The following HEPHL1 variants were observed in gnomAD, a reference collection of about 807,000 sequenced individuals.
The protein encoded by HEPHL1 is hephaestin like 1.
Under a neutral mutation model 122.0 loss-of-function variants are expected in HEPHL1, and 123 were observed. The ratio of observed to expected loss-of-function variants is 1.01; its 90% confidence interval spans 0.87 to 1.17. The LOEUF (loss-of-function observed/expected upper bound fraction) is 1.17, where lower values mean the gene tolerates loss of function less well. HEPHL1 is among the 50% of genes most tolerant of loss of function. The pLI, the probability that HEPHL1 is intolerant of heterozygous loss-of-function variation, is 0.00. For synonymous variants in HEPHL1, 527 were observed against 508.9 expected (o/e 1.04, Z -0.48); for missense variants, 1,452 against 1,430.5 (o/e 1.01, Z -0.24).
At chr11:94,025,747 G>A (rs2134401540) in intron 1 of HEPHL1, among the ~76,000 whole-genome samples, 1 of 152,266 alleles carries the variant, frequency 6.6e-6, no homozygotes, top group Middle Eastern at 3.4e-3. Flanking sequence ...GACCAACTGA[G>A]GGGAAGCAGG....
At chr11:94,045,634 T>C in intron 1 of HEPHL1, 39 bp from the exon 2 acceptor site, 1 of 1,525,824 alleles carries the variant, frequency 6.6e-7, no homozygotes, top group Non-Finnish European at 8.9e-7. Context: ...GGTCTTCTCT[T>C]TTCATTTCAA....
chr11:94,106,015 A>G lies in HEPHL1; in HGVS notation c.2930A>G (p.Asn977Ser). 1.3e-6 allele frequency: 2 copies of G among 1,579,468 alleles called. No individual in the cohort carries two copies. The highest frequency in any genetic ancestry group is 1.7e-6 in the Non-Finnish European group (2 of 1,158,406). The change falls in exon 17 of 20, where the codon AAT (asparagine) becomes AGT (serine). Residue 977 changes from asparagine (N) to serine (S), a missense_variant. By Grantham distance (46) the Asn-to-Ser change is conservative. Coordinates refer to ENST00000315765, the MANE Select transcript of HEPHL1 (RefSeq NM_001098672.2). ...MHAINGKIFG[N>S]LHGLIMNEDT... Reference sequence around the variant, plus strand: ...GCCATTAATGGAAAGATTTTTGGGAATCTCCATGGCCTCATAATGAACGAA... The same window carrying G: ...GCCATTAATGGAAAGATTTTTGGGAGTCTCCATGGCCTCATAATGAACGAA...
intron 13 of HEPHL1, among the ~76,000 whole-genome samples, chr11:94,100,500 C>T (rs1946359870): frequency 6.6e-6 from 1 of 152,160 alleles, no homozygotes. Context: ...AATGCACACA[C>T]CAGAGGGGCT....
At chr11:94,101,455 G>C (rs1186018323) in intron 14 of HEPHL1, 120 bp downstream of exon 14, 1 of 979,954 alleles carries the variant, frequency 1.0e-6, no homozygotes, top group Non-Finnish European at 1.5e-6. Context: ...CCATCATCTA[G>C]TCACTCTGGT....
chr11:94,051,581 C>T (rs1335362567), intron 2 of HEPHL1, among the ~76,000 whole-genome samples: 1 of 152,056 alleles, frequency 6.6e-6, no homozygotes, highest in Non-Finnish European at 1.5e-5. Context: ...TTCTCCCATT[C>T]TATGGATTGT....
At position 94,027,758 on chromosome 11, in the gene HEPHL1, A is replaced by G. The variant is rs112487401; in HGVS notation, c.170+6220A>G. ...GCCATTTGTTTTGAACACACCTTGT[A>G]TATGAAGGGCTTCTGTGGAAATGAA... On this transcript the variant is annotated intron_variant, in intron 1 of 19. Coordinates refer to ENST00000315765, the MANE Select transcript of HEPHL1 (RefSeq NM_001098672.2). 5.4e-3 allele frequency among the ~76,000 whole-genome samples: 818 copies of G among 152,340 alleles called. 7 individuals are homozygous for G. Among genetic ancestry groups the G allele is most frequent in the African/African-American group, 0.019 (785 of 41,570 alleles).
At chr11:94,069,429 T>C (rs1252158903) in intron 5 of HEPHL1, among the ~76,000 whole-genome samples, 1 of 152,156 alleles carries the variant, frequency 6.6e-6, no homozygotes, top group Non-Finnish European at 1.5e-5. Context: ...CCCCTATAAA[T>C]TGGTTTTAAA....
chr11:94,114,196 T>C lies in HEPHL1; in HGVS notation c.*2302T>C, dbSNP rs1480127413. Among the ~76,000 whole-genome samples, 1 of 152,190 alleles carries C rather than the reference T, an allele frequency of 6.6e-6. No individual in the cohort carries two copies. Among genetic ancestry groups the C allele is most frequent in the Non-Finnish European group, 1.5e-5 (1 of 68,038 alleles). On this transcript the variant is annotated 3_prime_UTR_variant, in exon 20 of 20. Coordinates refer to ENST00000315765, the MANE Select transcript of HEPHL1 (RefSeq NM_001098672.2). ...AAAGCAATGTGCTGTCTTATTTAAC[T>C]CTATAACCCCCTCCGACACAGTTTC...
intron 1 of HEPHL1, among the ~76,000 whole-genome samples, chr11:94,027,000 T>C (rs1192216515): frequency 1.3e-5 from 2 of 152,158 alleles, no homozygotes; most frequent in Admixed American, 1.3e-4. Flanking sequence ...CCCCCAGTTT[T>C]GGAGGCCAGA....
In HEPHL1 at chr11:94,061,430, G is replaced by A. The variant is rs1402073314; in HGVS notation, c.416-2078G>A. Among the ~76,000 whole-genome samples, 4 of 152,160 alleles carry A rather than the reference G, an allele frequency of 2.6e-5. No homozygotes were observed. In the East Asian group the frequency reaches 7.7e-4, roughly 29 times the overall value. ...TGACAAAAAAATGGCAGATACAAGA[G>A]AATGAACTGGAAAAGTGGACTGAAA... On this transcript the variant is annotated intron_variant, in intron 2 of 19. Transcript: ENST00000315765.
At chr11:94,070,272 C>A in intron 5 of HEPHL1, 102 bp from the exon 6 acceptor site, 2 of 1,190,066 alleles carry the variant, frequency 1.7e-6, no homozygotes, top group South Asian at 3.8e-5. Flanking sequence ...ATTTTCTGTA[C>A]AGAAGCCTAA....
chr11:94,048,910 C>T (rs1339277152), intron 2 of HEPHL1, among the ~76,000 whole-genome samples: 4 of 151,982 alleles, frequency 2.6e-5, no homozygotes, highest in South Asian at 2.1e-4. Flanking sequence ...CACCTGAGGT[C>T]GGGCATTTGA....
rs372045229 is a variant in HEPHL1 at position 94,111,725 on chromosome 11, G to A, written c.3311G>A (p.Gly1104Asp). Residue 1104 changes from glycine (G) to aspartate (D), a missense_variant, in exon 20 of 20, where the codon GGC becomes GAC. Gly to Asp is a moderately conservative substitution (Grantham distance 94, BLOSUM62 -1). Coordinates refer to ENST00000315765, the MANE Select transcript of HEPHL1 (RefSeq NM_001098672.2). ...GGCAAAGAGCAGCTCTATTTCTTTG[G>A]CAAGAATCTGGGTCCAACAGGAGCC... ...RPGKEQLYFF[G>D]KNLGPTGAKA... 2.9e-5 allele frequency: 47 copies of A among 1,607,432 alleles called. No individual in the cohort carries two copies. Among genetic ancestry groups the A allele is most frequent in the Non-Finnish European group, 4.0e-5 (47 of 1,176,586 alleles).
intron 1 of HEPHL1, among the ~76,000 whole-genome samples, chr11:94,026,252 C>G (rs1945623695): frequency 6.6e-6 from 1 of 152,154 alleles, no homozygotes; most frequent in Non-Finnish European, 1.5e-5. Context: ...TTTGCTGCAT[C>G]AGCCTTTCAA....
At chr11:94,049,245 T>C (rs978296162) in intron 2 of HEPHL1, among the ~76,000 whole-genome samples, 3 of 151,888 alleles carry the variant, frequency 2.0e-5, no homozygotes, top group Non-Finnish European at 4.4e-5. Flanking sequence ...ATTGGGGAAA[T>C]GCAAATCAGA....
intron 1 of HEPHL1, among the ~76,000 whole-genome samples, chr11:94,040,018 A>C (rs1945761763): frequency 2.8e-5 from 2 of 71,460 alleles, no homozygotes; most frequent in Non-Finnish European, 5.5e-5. Flanking sequence ...AAATAGACAC[A>C]ATAAAAAATG....
chr11:94,022,054 C>G (rs1945586362), intron 1 of HEPHL1, among the ~76,000 whole-genome samples: 1 of 152,182 alleles, frequency 6.6e-6, no homozygotes, highest in Non-Finnish European at 1.5e-5. Flanking sequence ...CTTGAGTCTA[C>G]TTAGAATTAG....
intron 1 of HEPHL1, among the ~76,000 whole-genome samples, chr11:94,035,808 C>A (rs1565344995): frequency 6.6e-6 from 1 of 152,214 alleles, no homozygotes; most frequent in Non-Finnish European, 1.5e-5. Context: ...GCGATCTCGG[C>A]TCACTGCAAG....
intron 15 of HEPHL1, among the ~76,000 whole-genome samples, chr11:94,103,541 A>G (rs894521562): frequency 8.5e-5 from 13 of 152,224 alleles, no homozygotes; most frequent in Non-Finnish European, 1.2e-4. Context: ...CACTCTAAAC[A>G]TAGTAACTGA....
Sources: gnomAD v4.1 joint callset for allele counts (sites outside exome capture counted in the v4.1 genomes callset) on GRCh38, gnomAD v4.1.1 for gene constraint, MANE v1.5 for transcripts, NCBI Gene and HGNC (gene_info 2026-07-23, HGNC 2026-07-21) for gene names.